The following ARFGEF2 variants were observed in gnomAD, a reference collection of about 807,000 sequenced individuals.
ARFGEF2 encodes the protein ARF guanine nucleotide exchange factor 2.
A neutral mutation model predicts 219.9 loss-of-function variants in ARFGEF2; 74 were observed. The ratio of observed to expected loss-of-function variants is 0.34; its 90% CI spans 0.28 to 0.41. ARFGEF2 has a LOEUF of 0.41. Ranked by LOEUF, ARFGEF2 falls within the 10% of genes least tolerant of loss-of-function variation. The pLI, the probability that ARFGEF2 is intolerant of heterozygous loss-of-function variation, is 1.00. For missense variants in ARFGEF2, 1,743 were observed against 2,218.3 expected, an observed-to-expected ratio of 0.79 and a Z score of 4.30; for synonymous variants, 733 against 799.2, an observed-to-expected ratio of 0.92 and a Z score of 1.40.
chr20:48,995,906 C>T (rs1459485152), intron 23 of ARFGEF2, 24 bp downstream of exon 23: 1 of 1,600,802 alleles, frequency 6.2e-7, no homozygotes, highest in Non-Finnish European at 8.6e-7. Context: ...TCTTCAGTGA[C>T]CCTGAACTAC....
Position 49,017,505 on chromosome 20 carries a change from A to C in ARFGEF2, c.4464A>C (p.Thr1488=). Residue 1488 remains threonine (T), a synonymous_variant, in exon 33 of 39, where the codon ACA becomes ACC. Transcript: ENST00000371917. The part of the protein sequence containing the change: ...FKTTIPHVLL[T]WRPVGMEEDS... Reference sequence around the variant, plus strand: ...CTATTTTTTTCTTCAGTTTGCTGACATGGAGACCTGTAGGAATGGAGGAAG... The same window carrying C: ...CTATTTTTTTCTTCAGTTTGCTGACCTGGAGACCTGTAGGAATGGAGGAAG... The C allele has an allele frequency of 6.2e-7, 1 of 1,613,688 alleles. No homozygotes were observed. The highest frequency in any genetic ancestry group is 1.3e-5 in the African/African-American group (1 of 75,010).
intron 1 of ARFGEF2, among the ~76,000 whole-genome samples, chr20:48,923,763 CAT>C (rs2090858589): frequency 6.6e-6 from 1 of 152,168 alleles, no homozygotes; most frequent in Admixed American, 6.5e-5. Context: ...AACTTCTTAA[CAT>C]AAAATTTTCA....
At position 49,005,230 on chromosome 20, in the gene ARFGEF2, T is replaced by G. The variant is rs2091450336; in HGVS notation, c.3584+9T>G. Reference sequence around the variant, plus strand: ...ATTATGAAGAAAAACAGGTATGTGTTTTGCTCTGGAAGACGCTTGGTCAAA... The same window carrying G: ...ATTATGAAGAAAAACAGGTATGTGTGTTGCTCTGGAAGACGCTTGGTCAAA... On this transcript the variant is annotated intron_variant, in intron 26 of 38. Transcript: ENST00000371917. 6.2e-7 allele frequency: 1 copy of G among 1,613,964 alleles called. No homozygotes were observed. Among genetic ancestry groups the G allele is most frequent in the Non-Finnish European group, 8.5e-7 (1 of 1,180,028 alleles).
chr20:48,975,812 AG>A (rs1287545772), intron 13 of ARFGEF2, among the ~76,000 whole-genome samples: 1 of 151,808 alleles, frequency 6.6e-6, no homozygotes, highest in Non-Finnish European at 1.5e-5. Context: ...AAAAAAAAAA[AG>A]AATTAGCTCA....
chr20:48,928,122 T>G (rs940841929), intron 1 of ARFGEF2, among the ~76,000 whole-genome samples: 1 of 151,846 alleles, frequency 6.6e-6, no homozygotes, highest in African/African-American at 2.4e-5. Flanking sequence ...ACTAGTGCAG[T>G]AAGTAACTGG....
chr20:48,995,951 C>T lies in ARFGEF2; in HGVS notation c.3221+69C>T, dbSNP rs2091383316. ...TGGTGGCCTCTCTGTAGTTACTGGA[C>T]ATGAATGATTCCTAATTTCTTTAAC... On this transcript the variant is annotated intron_variant, in intron 23 of 38. Transcript: ENST00000371917. 5.2e-6 allele frequency: 7 copies of T among 1,341,996 alleles called. No individual in the cohort carries two copies. In the South Asian group the frequency reaches 7.0e-5, roughly 13 times the overall value. The allele number at this position is 1,341,996 out of a possible 1,614,324, so 83.1% of individuals were successfully genotyped here. A position where few individuals can be genotyped will look rare whatever the true frequency, so the allele number is the denominator to read the frequency against.
chr20:48,956,165 A>G (rs1411366902), intron 6 of ARFGEF2, among the ~76,000 whole-genome samples: 1 of 152,246 alleles, frequency 6.6e-6, no homozygotes, highest in African/African-American at 2.4e-5. Flanking sequence ...AAGTGCATGG[A>G]TGTTGGACAC....
chr20:49,011,425 G>A (rs2091497470), intron 27 of ARFGEF2, among the ~76,000 whole-genome samples: 1 of 152,148 alleles, frequency 6.6e-6, no homozygotes, highest in African/African-American at 2.4e-5. Context: ...TACTAAAGAG[G>A]AAATTGAGGC....
chr20:48,995,703 C>T (rs1032018390), intron 22 of ARFGEF2, 80 bp from the exon 23 acceptor site: 9 of 1,175,060 alleles, frequency 7.7e-6, no homozygotes, highest in Admixed American at 3.4e-5. Context: ...CCTGTCCCTG[C>T]GTGTTGACAT....
intron 26 of ARFGEF2, among the ~76,000 whole-genome samples, chr20:49,006,695 G>A (rs2091461780): frequency 6.6e-6 from 1 of 152,162 alleles, no homozygotes; most frequent in African/African-American, 2.4e-5. Flanking sequence ...AAAGCAAAAG[G>A]CCCGTAGCAG....
chr20:49,001,090 T>G (rs2123489448), intron 25 of ARFGEF2, among the ~76,000 whole-genome samples: 1 of 147,812 alleles, frequency 6.8e-6, no homozygotes, highest in Admixed American at 6.8e-5. Context: ...GAGACAGAGT[T>G]TCGCACTGTT....
intron 37 of ARFGEF2, 63 bp from the exon 38 acceptor site, chr20:49,031,986 C>T (rs1779365218): frequency 9.3e-7 from 1 of 1,077,620 alleles, no homozygotes; most frequent in East Asian, 2.4e-5. Flanking sequence ...ATGAATAGTT[C>T]TCCCCTGAAT....
At chr20:49,011,004 G>T (rs569962582) in intron 27 of ARFGEF2, among the ~76,000 whole-genome samples, 1 of 152,162 alleles carries the variant, frequency 6.6e-6, no homozygotes, top group East Asian at 1.9e-4. Context: ...CGTGCTTTTT[G>T]TTGGTGATTT....
chr20:48,993,102 G>A (rs2091366434), intron 21 of ARFGEF2, among the ~76,000 whole-genome samples: 1 of 152,108 alleles, frequency 6.6e-6, no homozygotes, highest in Admixed American at 6.5e-5. Flanking sequence ...ATCATTTCCT[G>A]CCTTCTAAGG....
At chr20:49,025,905 C>T (rs1375580701) in intron 36 of ARFGEF2, among the ~76,000 whole-genome samples, 1 of 151,872 alleles carries the variant, frequency 6.6e-6, no homozygotes, top group African/African-American at 2.4e-5. Flanking sequence ...TCGCTTGTAC[C>T]CGGAAGGCGG....
chr20:48,984,620 C>A, intron 14 of ARFGEF2, 109 bp from the exon 15 acceptor site: 1 of 1,388,156 alleles, frequency 7.2e-7, no homozygotes. Context: ...CTAGCTTATA[C>A]GTGATGGCAT....
rs747769286 is a variant in ARFGEF2 at position 48,971,301 on chromosome 20, A to G, written c.1372A>G (p.Ile458Val). 1.9e-6 allele frequency: 3 copies of G among 1,614,126 alleles called. No individual in the cohort carries two copies. The highest frequency in any genetic ancestry group is 2.5e-6 in the Non-Finnish European group (3 of 1,180,018). Residue 458 changes from isoleucine to valine, a missense_variant, in exon 10 of 39, where the codon ATT (isoleucine) becomes GTT (valine). Ile to Val is a conservative substitution (Grantham distance 29). Transcript: ENST00000371917. Reference sequence around the variant, plus strand: ...TGATGTCTTTGAGCTCTCTCTTGCCATTTTTCTTACTCTTCTTTCAAACTT... The same window carrying G: ...TGATGTCTTTGAGCTCTCTCTTGCCGTTTTTCTTACTCTTCTTTCAAACTT... The part of the protein sequence containing the change: ...VPDVFELSLA[I>V]FLTLLSNFKM...
chr20:49,000,647 ATTC>A (rs753472634), intron 25 of ARFGEF2, among the ~76,000 whole-genome samples: 28 of 152,248 alleles, frequency 1.8e-4, no homozygotes, highest in Non-Finnish European at 3.5e-4. Flanking sequence ...TGTACCTTGT[ATTC>A]TTGTCCAAAC....
intron 14 of ARFGEF2, 99 bp from the exon 15 acceptor site, chr20:48,984,630 T>C (rs1186027256): frequency 1.4e-6 from 2 of 1,453,390 alleles, no homozygotes; most frequent in African/African-American, 2.8e-5. Flanking sequence ...CGTGATGGCA[T>C]GTTCATAGTA....
Sources: allele counts gnomAD v4.1 joint callset (sites outside exome capture counted in the v4.1 genomes callset), GRCh38; gene constraint gnomAD v4.1.1; transcripts MANE v1.5; gene names NCBI Gene and HGNC (gene_info 2026-07-23, HGNC 2026-07-21).